NEXMIF: variants seen among roughly 807,000 people sequenced by gnomAD.
NEXMIF encodes XLMR protein related to neurite extension.
NEXMIF carries 8 observed loss-of-function variants against 62.1 expected under a neutral mutation model. The observed-to-expected ratio is 0.13, with a 90% confidence interval of 0.08 to 0.23. NEXMIF has a LOEUF of 0.23. Among genes scored for constraint, NEXMIF ranks in the 10% least tolerant of loss-of-function variants. NEXMIF has a pLI of 1.00. For synonymous variants in NEXMIF, 404 were observed against 416.6 expected, an observed-to-expected ratio of 0.97 and a Z score of 0.37; for missense variants, 976 against 1,113.3, an observed-to-expected ratio of 0.88 and a Z score of 1.75.
At chrX:74,793,619 G>C (rs1358764806) in intron 1 of NEXMIF, among the ~76,000 whole-genome samples, 1 of 109,840 alleles carries the variant, frequency 9.1e-6, no homozygotes, top group Non-Finnish European at 1.9e-5. Context: ...ACACCAATCA[G>C]ACGTAGATTT....
chrX:74,873,226 T>A (rs948504921), intron 1 of NEXMIF, among the ~76,000 whole-genome samples: 1 of 109,198 alleles, frequency 9.2e-6, no homozygotes, highest in Non-Finnish European at 1.9e-5. Context: ...CACCTATGAG[T>A]GAGAATATGC....
In NEXMIF at chrX:74,755,945, C is replaced by T. The variant is rs371588847; in HGVS notation, c.-47-10248G>A. On this transcript the variant is annotated intron_variant, in intron 1 of 3. Transcript: ENST00000055682. ...TGTCATCCAGGCTGGAGTGCAGTCACGCTCACTGCAACCTCTGCCTCCTGG... is the reference window on the plus strand; with the variant it reads ...TGTCATCCAGGCTGGAGTGCAGTCATGCTCACTGCAACCTCTGCCTCCTGG... Among the ~76,000 whole-genome samples, 9 of 111,713 alleles carry T rather than the reference C, an allele frequency of 8.1e-5. 1 individual carries two copies. In the East Asian group the frequency reaches 1.7e-3, roughly 21 times the overall value.
intron 1 of NEXMIF, among the ~76,000 whole-genome samples, chrX:74,892,110 G>T (rs2080719662): frequency 8.9e-6 from 1 of 112,287 alleles, no homozygotes; most frequent in Non-Finnish European, 1.9e-5. Context: ...AGGCAATAAA[G>T]CCTAATTAGT....
intron 1 of NEXMIF, among the ~76,000 whole-genome samples, chrX:74,897,665 G>A (rs2080736817): frequency 9.0e-6 from 1 of 111,649 alleles, no homozygotes; most frequent in Admixed American, 9.6e-5. Context: ...GAATGAGTGG[G>A]AAATGTTTAG....
chrX:74,832,166 G>C (rs1172153942), intron 1 of NEXMIF, among the ~76,000 whole-genome samples: 1 of 111,565 alleles, frequency 9.0e-6, no homozygotes, highest in East Asian at 2.8e-4. Flanking sequence ...CAGATAGTTT[G>C]AGTAGGATTG....
At chrX:74,881,092 C>T (rs1247623343) in intron 1 of NEXMIF, among the ~76,000 whole-genome samples, 2 of 111,505 alleles carry the variant, frequency 1.8e-5, no homozygotes, top group Non-Finnish European at 3.8e-5. Flanking sequence ...ACAGTAACCC[C>T]TGCTGCTCAC....
intron 2 of NEXMIF, 147 bp from the exon 3 acceptor site, chrX:74,744,624 C>T (rs1224455399): frequency 2.6e-6 from 1 of 386,998 alleles, no homozygotes; most frequent in Non-Finnish European, 4.4e-6. Context: ...ATAAAAACTA[C>T]AACGTTAAAG....
At chrX:74,756,674 C>T (rs933034352) in intron 1 of NEXMIF, among the ~76,000 whole-genome samples, 1 of 111,226 alleles carries the variant, frequency 9.0e-6, no homozygotes, top group Non-Finnish European at 1.9e-5. Context: ...TCTATTCTGA[C>T]CCCTCACAAC....
intron 2 of NEXMIF, among the ~76,000 whole-genome samples, chrX:74,745,120 TAC>T (rs780320904): frequency 6.4e-5 from 7 of 110,141 alleles, no homozygotes; most frequent in Non-Finnish European, 1.3e-4. Context: ...TAGCTGGGAT[TAC>T]AGGCACCTGC....
At chrX:74,818,723 C>T (rs2080384379) in intron 1 of NEXMIF, among the ~76,000 whole-genome samples, 1 of 111,773 alleles carries the variant, frequency 8.9e-6, no homozygotes, top group African/African-American at 3.2e-5. Flanking sequence ...TGACAAAGGT[C>T]TAATATCTAG....
At chrX:74,804,154 C>T (rs997238632) in intron 1 of NEXMIF, among the ~76,000 whole-genome samples, 2 of 111,995 alleles carry the variant, frequency 1.8e-5, no homozygotes, top group Admixed American at 9.4e-5. Context: ...GTTAAAAACT[C>T]GGGAGATGAA....
At chrX:74,810,884 T>G (rs1305236350) in intron 1 of NEXMIF, among the ~76,000 whole-genome samples, 3 of 111,641 alleles carry the variant, frequency 2.7e-5, no homozygotes, top group African/African-American at 9.8e-5. Context: ...TAAAGCTCAA[T>G]TACCAAACTG....
intron 1 of NEXMIF, among the ~76,000 whole-genome samples, chrX:74,779,579 T>C (rs890186481): frequency 1.8e-5 from 2 of 111,477 alleles, no homozygotes; most frequent in East Asian, 5.7e-4. Context: ...TGACATGTTC[T>C]TTCCAACTCA....
chrX:74,796,363 G>T (rs1353451160), intron 1 of NEXMIF, among the ~76,000 whole-genome samples: 1 of 92,465 alleles, frequency 1.1e-5, no homozygotes. Context: ...GTATACAAAG[G>T]TTAGTACATA....
intron 1 of NEXMIF, among the ~76,000 whole-genome samples, chrX:74,755,242 ATGTT>A (rs1375497462): frequency 1.8e-5 from 2 of 111,983 alleles, no homozygotes; most frequent in African/African-American, 6.5e-5. Context: ...GTGTGGATGT[ATGTT>A]AAGTTTTTTC....
chrX:74,848,576 G>A (rs2080501717), intron 1 of NEXMIF, among the ~76,000 whole-genome samples: 1 of 112,156 alleles, frequency 8.9e-6, no homozygotes, highest in Non-Finnish European at 1.9e-5. Context: ...ACCTTTTAGA[G>A]GGCCACTATT....
Position 74,741,428 on chromosome X carries a change from T to C in NEXMIF, c.3129A>G (p.Ile1043Met). ...KLVIQQSIDEIAPLKESTDLL... is the reference protein window; with the variant it reads ...KLVIQQSIDEMAPLKESTDLL... ...GGTCAGTGGACTCCTTTAGTGGTGCTATCTCATCAATGCTTTGCTGGATCA... is the reference window on the plus strand; with the variant it reads ...GGTCAGTGGACTCCTTTAGTGGTGCCATCTCATCAATGCTTTGCTGGATCA... Residue 1043 changes from isoleucine to methionine, a missense_variant, in exon 3 of 4, where the codon ATA becomes ATG. By Grantham distance (10) the Ile-to-Met change is conservative (BLOSUM62 1). Coordinates refer to ENST00000055682, the MANE Select transcript of NEXMIF (RefSeq NM_001008537.3). 1.7e-6 allele frequency: 2 copies of C among 1,211,784 alleles called. No individual in the cohort carries two copies. Among genetic ancestry groups the C allele is most frequent in the Non-Finnish European group, 2.2e-6 (2 of 895,513 alleles).
chrX:74,873,313 C>T (rs1383183167), intron 1 of NEXMIF, among the ~76,000 whole-genome samples: 3 of 111,936 alleles, frequency 2.7e-5, no homozygotes, highest in Non-Finnish European at 5.6e-5. Flanking sequence ...CTACAAAGGA[C>T]ATGAACTCAT....
intron 1 of NEXMIF, among the ~76,000 whole-genome samples, chrX:74,793,151 G>C (rs1175783547): frequency 9.0e-6 from 1 of 111,016 alleles, no homozygotes; most frequent in African/African-American, 3.3e-5. Context: ...TCCTTCAGGA[G>C]CTCTTTTAGG....
Sources: allele counts gnomAD v4.1 joint callset (sites outside exome capture counted in the v4.1 genomes callset), GRCh38; gene constraint gnomAD v4.1.1; transcripts MANE v1.5; gene names NCBI Gene and HGNC (gene_info 2026-07-23, HGNC 2026-07-21).